DDX27: variants seen among roughly 807,000 people sequenced by gnomAD.
The protein encoded by DDX27 is DEAD-box helicase 27.
Under a neutral mutation model 99.3 loss-of-function variants are expected in DDX27, and 42 were observed. The ratio of observed to expected loss-of-function variants is 0.42; its 90% CI spans 0.33 to 0.55. DDX27 has a LOEUF of 0.55. Among genes scored for constraint, DDX27 ranks in the 20% least tolerant of loss-of-function variants. DDX27 has a pLI of 0.07. For synonymous variants in DDX27, 329 were observed against 353.8 expected, an observed-to-expected ratio of 0.93 and a Z score of 0.79; for missense variants, 798 against 976.8, an observed-to-expected ratio of 0.82 and a Z score of 2.44.
intron 6 of DDX27, 83 bp downstream of exon 6, chr20:49,225,282 A>G: frequency 8.6e-7 from 1 of 1,165,778 alleles, no homozygotes; most frequent in Non-Finnish European, 1.3e-6. Flanking sequence ...TCCTGGCATC[A>G]AGCAATCCTC....
At chr20:49,233,990 G>A (rs565917246) in intron 11 of DDX27, 29 of 361,518 alleles carry the variant, frequency 8.0e-5, no homozygotes, top group African/African-American at 8.0e-5. Context: ...GTTCTCTGTC[G>A]CCTGGATCGT....
intron 9 of DDX27, among the ~76,000 whole-genome samples, chr20:49,232,999 T>C (rs967653921): frequency 2.6e-5 from 4 of 151,908 alleles, no homozygotes; most frequent in Non-Finnish European, 2.9e-5. Context: ...GCTTTAGATA[T>C]TCACGCACTT....
At position 49,233,364 on chromosome 20, in the gene DDX27, C is replaced by G; in HGVS notation, c.1090C>G (p.His364Asp). Residue 364 changes from histidine (H) to aspartate (D), a missense_variant, in exon 10 of 21, where the codon CAC (histidine) becomes GAC (aspartate). Physicochemically the swap from His to Asp is moderately conservative, Grantham distance 81. Around this residue, in one of 2 missense-constraint regions of DDX27, gnomAD observed 553 missense variants for 727.9 expected, o/e 0.76. Transcript: ENST00000618172. ...GGAGATCATCCGAATGTGTTCCCAC[C>G]ACCGCCAGACCATGCTCTTCTCGGC... is the stretch of plus-strand genomic sequence containing the variant. ...MKEIIRMCSH[H>D]RQTMLFSATM... 6.2e-7 allele frequency: 1 copy of G among 1,614,056 alleles called. No homozygotes were observed. Among genetic ancestry groups the G allele is most frequent in the South Asian group, 1.1e-5 (1 of 91,084 alleles).
At position 49,223,280 on chromosome 20, in the gene DDX27, A is replaced by G; in HGVS notation, c.313A>G (p.Lys105Glu). 3 of 1,607,728 alleles carry G rather than the reference A, an allele frequency of 1.9e-6. No individual in the cohort carries two copies. The highest frequency in any genetic ancestry group is 2.5e-6 in the Non-Finnish European group (3 of 1,178,546). ...KKRKTEDKEA[K>E]SGKLEKEKEA... ...ATTTTTTTCCCAGGATAAAGAAGCC[A>G]AGTCTGGGAAGTTGGAAAAGGAGAA... Residue 105 changes from lysine (K) to glutamate (E), a missense_variant, in exon 4 of 21, where the codon AAG becomes GAG. Around this residue, in one of 2 missense-constraint regions of DDX27, gnomAD observed 245 missense variants for 248.8 expected, o/e 0.98. Transcript: ENST00000618172.
chr20:49,238,228 A>AGGAT (rs1980366043), intron 14 of DDX27: 1 of 152,312 alleles, frequency 6.6e-6, no homozygotes, highest in African/African-American at 2.4e-5. Flanking sequence ...CATGTTGTCC[A>AGGAT]GGATGGTCTC....
chr20:49,223,112 A>G, intron 3 of DDX27, 96 bp downstream of exon 3: 1 of 1,412,068 alleles, frequency 7.1e-7, no homozygotes, highest in Non-Finnish European at 9.8e-7. Flanking sequence ...AGAGCGGGGC[A>G]TGGCTGGGGC....
rs761636932 is a variant in DDX27, at chr20:49,233,702, C to T, written c.1266C>T (p.Ile422=). 2.3e-5 allele frequency: 37 copies of T among 1,613,118 alleles called. No individual in the cohort carries two copies. The highest frequency in any genetic ancestry group is 1.7e-4 in the Middle Eastern group (1 of 6,030). Residue 422 remains isoleucine, a synonymous_variant, in exon 11 of 21, where the codon ATC becomes ATT. Coordinates refer to ENST00000618172, the MANE Select transcript of DDX27 (RefSeq NM_017895.8). ...RPNREGDREA[I]VAALLTRTFT... ...ATCGTGAAGGAGACCGGGAAGCCAT[C>T]GTGGCAGGTGGCAGCACAGGGCAAG...
At position 49,226,460 on chromosome 20, in the gene DDX27, A is replaced by G. The variant is rs1280014730; in HGVS notation, c.631A>G (p.Thr211Ala). The G allele has an allele frequency of 6.2e-7, 1 of 1,613,832 alleles. No homozygotes were observed. The highest frequency in any genetic ancestry group is 8.5e-7 in the Non-Finnish European group (1 of 1,179,920). The part of the protein sequence containing the change: ...AITAMGFKQP[T>A]PIQKACIPVG... The stretch of plus-strand genomic sequence containing the variant: ...TACAGCCATGGGCTTCAAGCAGCCC[A>G]CCCCGATCCAGAAGGCGTGCATACC... Residue 211 changes from threonine (T) to alanine (A), a missense_variant, in exon 7 of 21, where the codon ACC (threonine) becomes GCC (alanine). Physicochemically the swap from Thr to Ala is moderately conservative, Grantham distance 58. Transcript: ENST00000618172.
At chr20:49,225,289 C>G (rs1440565156) in intron 6 of DDX27, 90 bp downstream of exon 6, 4 of 1,096,620 alleles carry the variant, frequency 3.6e-6, no homozygotes, top group Non-Finnish European at 5.6e-6. Context: ...ATCAAGCAAT[C>G]CTCTTGCCTC....
Position 49,236,660 on chromosome 20 carries a change from C to A in DDX27, c.1687+150C>A. The A allele has an allele frequency of 2.8e-6, 2 of 722,070 alleles. No individual in the cohort carries two copies. Among genetic ancestry groups the A allele is most frequent in the Non-Finnish European group, 4.0e-6 (2 of 494,950 alleles). The allele number at this position is 722,070 out of a possible 1,614,324, so 44.7% of individuals were successfully genotyped here. A position where few individuals can be genotyped will look rare whatever the true frequency, so the allele number is the denominator to read the frequency against. Reference sequence around the variant, plus strand: ...TTGCCGAGTGACCATGTGCAGGTTTCACCTCACCTCTCTGAGCTTGCCTCC... The same window carrying A: ...TTGCCGAGTGACCATGTGCAGGTTTAACCTCACCTCTCTGAGCTTGCCTCC... On this transcript the variant is annotated intron_variant, in intron 14 of 20. Coordinates refer to ENST00000618172, the MANE Select transcript of DDX27 (RefSeq NM_017895.8). The surrounding 1 kb of genome is among the most constrained non-coding windows in gnomAD (Gnocchi z 4.1).
At chr20:49,243,325 C>T (rs1980543848) in intron 19 of DDX27, among the ~76,000 whole-genome samples, 1 of 152,182 alleles carries the variant, frequency 6.6e-6, no homozygotes, top group African/African-American at 2.4e-5. Context: ...TCCTGGCTTG[C>T]TCTTAGGAAT....
intron 16 of DDX27, among the ~76,000 whole-genome samples, chr20:49,241,229 T>C (rs1183832153): frequency 1.3e-5 from 2 of 152,220 alleles, no homozygotes; most frequent in African/African-American, 4.8e-5. Flanking sequence ...CTAGAGGGTA[T>C]ACCAGCAGTT....
At chr20:49,233,257 G>T in intron 9 of DDX27, 49 bp from the exon 10 acceptor site, 2 of 1,448,822 alleles carry the variant, frequency 1.4e-6, no homozygotes, top group South Asian at 2.3e-5. Context: ...CCCTCACTGT[G>T]ACCGAAGAGC....
At chr20:49,227,610 A>AGCAGGCTGAGAGG in intron 7 of DDX27, among the ~76,000 whole-genome samples, 1 of 151,930 alleles carries the variant, frequency 6.6e-6, no homozygotes, top group East Asian at 1.9e-4. Flanking sequence ...CAAGTGATAC[A>AGCAGGCTGAGAGG]CCTGCCTCAG....
chr20:49,239,143 T>C (rs750143349), intron 15 of DDX27, 88 bp downstream of exon 15: 1 of 1,525,734 alleles, frequency 6.6e-7, no homozygotes, highest in Non-Finnish European at 9.1e-7. Context: ...CTGAAATGTT[T>C]CTCCCATCAG....
chr20:49,230,625 A>G (rs1980076072), intron 9 of DDX27, among the ~76,000 whole-genome samples: 1 of 152,234 alleles, frequency 6.6e-6, no homozygotes, highest in Admixed American at 6.5e-5. Flanking sequence ...GATTCTCAAA[A>G]CAAATCTTTT....
chr20:49,225,228 T>C (rs1409180200), intron 6 of DDX27, 29 bp downstream of exon 6: 19 of 1,555,410 alleles, frequency 1.2e-5, no homozygotes, highest in Non-Finnish European at 1.7e-5. Context: ...AAATTTTCTT[T>C]GTAGAAGCAT....
intron 6 of DDX27, among the ~76,000 whole-genome samples, chr20:49,225,417 C>G (rs1188208649): frequency 6.6e-6 from 1 of 151,738 alleles, no homozygotes; most frequent in Non-Finnish European, 1.5e-5. Context: ...TCTTTGCCTC[C>G]CTCAACTCTT....
At chr20:49,219,880 G>T (rs781364016) in intron 1 of DDX27, among the ~76,000 whole-genome samples, 1 of 152,180 alleles carries the variant, frequency 6.6e-6, no homozygotes, top group Non-Finnish European at 1.5e-5. Flanking sequence ...GCCATGGTTA[G>T]CTGTCCTTTC....
Sources: allele counts gnomAD v4.1 joint callset (sites outside exome capture counted in the v4.1 genomes callset), GRCh38; gene constraint gnomAD v4.1.1; regional missense constraint gnomAD v4.1.1; non-coding constraint Gnocchi (gnomAD v3.1); transcripts MANE v1.5; gene names NCBI Gene and HGNC (gene_info 2026-07-23, HGNC 2026-07-21).